Variants in APP observed in about 807,000 individuals in gnomAD.
The protein encoded by APP is amyloid beta precursor protein, also known as amyloid-beta precursor protein.
A neutral mutation model predicts 101.4 loss-of-function variants in APP; 31 were observed. The observed-to-expected ratio is 0.31, with a 90% confidence interval of 0.23 to 0.41. The LOEUF (loss-of-function observed/expected upper bound fraction) is 0.41, where lower values mean the gene tolerates loss of function less well. Among genes scored for constraint, APP ranks in the 10% least tolerant of loss-of-function variants. The pLI is 1.00. For missense variants in APP, 839 were observed against 1,003.7 expected (o/e 0.84, Z 2.22); for synonymous variants, 366 against 364.4 (o/e 1.00, Z -0.05).
chr21:25,967,780 C>G (rs1568777230), intron 11 of APP, among the ~76,000 whole-genome samples: 1 of 152,148 alleles, frequency 6.6e-6, no homozygotes, highest in East Asian at 1.9e-4. Context: ...AGTTTGAGTA[C>G]GAGCCCTGAC....
At chr21:26,103,646 G>T (rs2146174332) in intron 2 of APP, among the ~76,000 whole-genome samples, 2 of 152,272 alleles carry the variant, frequency 1.3e-5, no homozygotes, top group Admixed American at 1.3e-4. Flanking sequence ...GATAGAAATG[G>T]TCTCTGCAAA....
At chr21:26,058,557 C>T (rs1371759163) in intron 3 of APP, among the ~76,000 whole-genome samples, 1 of 152,154 alleles carries the variant, frequency 6.6e-6, no homozygotes, top group Non-Finnish European at 1.5e-5. Context: ...AAACAGAATT[C>T]AGAGTAAAAA....
intron 1 of APP, among the ~76,000 whole-genome samples, chr21:26,155,787 A>T (rs1325731861): frequency 2.0e-5 from 3 of 152,162 alleles, no homozygotes; most frequent in African/African-American, 7.2e-5. Context: ...TGAGGTCAGG[A>T]GATCAAGACC....
At position 25,926,655 on chromosome 21, in the gene APP, A is replaced by C. The variant is rs540316446; in HGVS notation, c.1688-14693T>G. Among the ~76,000 whole-genome samples, 28 of 152,318 alleles carry C rather than the reference A, an allele frequency of 1.8e-4. 1 individual carries two copies. The South Asian group carries it at 5.8e-3, about 32-fold the overall frequency. ...ACTGAAATCTGAACCCAAGTATCCC[A>C]ATTCCTAATGCAACCTTCTCACTGT... is the stretch of plus-strand genomic sequence containing the variant. On this transcript the variant is annotated intron_variant, in intron 13 of 17. Transcript: ENST00000346798.
intron 5 of APP, among the ~76,000 whole-genome samples, chr21:26,035,475 T>A (rs970748937): frequency 2.0e-5 from 3 of 152,136 alleles, no homozygotes; most frequent in South Asian, 2.1e-4. Flanking sequence ...AGGGAGGAGC[T>A]GGGTCAAATA....
chr21:25,989,309 A>G (rs1041510658), intron 8 of APP, among the ~76,000 whole-genome samples: 3 of 152,162 alleles, frequency 2.0e-5, no homozygotes, highest in Admixed American at 2.0e-4. Context: ...CTGATTTTGT[A>G]ATCATTGCGG....
intron 2 of APP, among the ~76,000 whole-genome samples, chr21:26,096,709 G>A (rs2061949784): frequency 6.6e-6 from 1 of 152,126 alleles, no homozygotes; most frequent in African/African-American, 2.4e-5. Flanking sequence ...CGAGGAGGTC[G>A]AGGCTGCAGT....
intron 8 of APP, among the ~76,000 whole-genome samples, chr21:25,984,263 T>A (rs1341223316): frequency 6.6e-6 from 1 of 151,990 alleles, no homozygotes; most frequent in Admixed American, 6.6e-5. Flanking sequence ...AGTTTTAAAA[T>A]TTTAAAAATT....
At chr21:26,006,623 A>C (rs765544196) in intron 6 of APP, among the ~76,000 whole-genome samples, 13 of 152,222 alleles carry the variant, frequency 8.5e-5, no homozygotes, top group Non-Finnish European at 1.3e-4. Flanking sequence ...CAACCACAAA[A>C]AATTAGTTCT....
At chr21:26,052,929 CG>C (rs543265681) in intron 4 of APP, among the ~76,000 whole-genome samples, 2 of 152,224 alleles carry the variant, frequency 1.3e-5, no homozygotes, top group African/African-American at 4.8e-5. Flanking sequence ...TTGCGAAACA[CG>C]GCACAGGCAC....
At chr21:26,045,394 A>G (rs2045566480) in intron 5 of APP, among the ~76,000 whole-genome samples, 1 of 152,250 alleles carries the variant, frequency 6.6e-6, no homozygotes, top group South Asian at 2.1e-4. Flanking sequence ...ATTAGCAGCT[A>G]GCTGCATTCC....
In APP at chr21:26,073,479, A is replaced by G. The variant is rs549761526; in HGVS notation, c.355+16464T>C. On this transcript the variant is annotated intron_variant, in intron 3 of 17. Transcript: ENST00000346798. ...CTGGAGCTCAAGGAACAGATGCCTG[A>G]TAACAGGTGACTGTGGAGGGAACTG... 1.3e-4 allele frequency among the ~76,000 whole-genome samples: 19 copies of G among 149,502 alleles called. 1 individual carries two copies. The highest frequency in any genetic ancestry group is 3.0e-5 in the Non-Finnish European group (2 of 67,570).
intron 13 of APP, among the ~76,000 whole-genome samples, chr21:25,925,659 G>A (rs1178424782): frequency 6.6e-6 from 1 of 152,224 alleles, no homozygotes; most frequent in Non-Finnish European, 1.5e-5. Context: ...TAATGGCTGG[G>A]CGTGGTGGCT....
At chr21:26,109,256 T>A (rs529193901) in intron 2 of APP, among the ~76,000 whole-genome samples, 4 of 152,360 alleles carry the variant, frequency 2.6e-5, no homozygotes, top group Admixed American at 6.5e-5. Context: ...AAATCTCATG[T>A]CGAATTGTAA....
chr21:25,898,344 A>G (rs544067040), intron 15 of APP, among the ~76,000 whole-genome samples: 6 of 152,334 alleles, frequency 3.9e-5, no homozygotes, highest in African/African-American at 9.6e-5. Context: ...ATAAATTGCT[A>G]TATGATTCTT....
At chr21:26,038,753 TAAAC>T (rs566072969) in intron 5 of APP, among the ~76,000 whole-genome samples, 6 of 152,106 alleles carry the variant, frequency 3.9e-5, no homozygotes, top group South Asian at 4.2e-4. Context: ...GACAGAGTCT[TAAAC>T]AAACAAACAA....
rs139306997 is a variant in APP at position 26,087,049 on chromosome 21, G to A, written c.355+2894C>T. Among the ~76,000 whole-genome samples the A allele has an allele frequency of 1.7e-3, 263 of 152,240 alleles. 2 individuals carry two copies. Among genetic ancestry groups the A allele is most frequent in the African/African-American group, 5.9e-3 (246 of 41,534 alleles). On this transcript the variant is annotated intron_variant, in intron 3 of 17. Coordinates refer to ENST00000346798, the MANE Select transcript of APP (RefSeq NM_000484.4). Reference sequence around the variant, plus strand: ...ACATCAGTTACACCTATGTCCCTATGTTACCTATGTTACACCTATTGGAAA... The same window carrying A: ...ACATCAGTTACACCTATGTCCCTATATTACCTATGTTACACCTATTGGAAA...
intron 14 of APP, among the ~76,000 whole-genome samples, chr21:25,908,245 C>G (rs528919894): frequency 8.9e-4 from 136 of 152,194 alleles, no homozygotes; most frequent in African/African-American, 3.2e-3. Flanking sequence ...GATGTGAAAA[C>G]CAAAGAATAA....
chr21:26,162,188 A>C (rs2063505607), intron 1 of APP, among the ~76,000 whole-genome samples: 1 of 152,186 alleles, frequency 6.6e-6, no homozygotes, highest in Non-Finnish European at 1.5e-5. Flanking sequence ...AATTAGTCAG[A>C]TGTGGTGGCA....
Sources: allele counts gnomAD v4.1 joint callset (sites outside exome capture counted in the v4.1 genomes callset), GRCh38; gene constraint gnomAD v4.1.1; transcripts MANE v1.5; gene names NCBI Gene and HGNC (gene_info 2026-07-23, HGNC 2026-07-21).